PKNOX2: variants seen among roughly 807,000 people sequenced by gnomAD.
PKNOX2 encodes the protein PBX/knotted 1 homeobox 2, also known as homeobox protein PKNOX2.
In PKNOX2, 14 loss-of-function variants were observed where a neutral mutation model predicts 53.1. That is an observed-to-expected ratio of 0.26 (90% CI 0.17 to 0.41). The LOEUF is 0.41. PKNOX2 is among the 10% of genes least tolerant of loss of function. PKNOX2 has a pLI of 1.00. For missense variants in PKNOX2, 496 were observed against 602.8 expected, an observed-to-expected ratio of 0.82 and a Z score of 1.85; for synonymous variants, 257 against 242.8, an observed-to-expected ratio of 1.06 and a Z score of -0.54.
At chr11:125,218,656 G>T (rs921853059) in intron 1 of PKNOX2, among the ~76,000 whole-genome samples, 28 of 152,112 alleles carry the variant, frequency 1.8e-4, no homozygotes, top group Admixed American at 4.6e-4. Context: ...GAGTGGAGCT[G>T]TCAGGTTTAT....
intron 4 of PKNOX2, among the ~76,000 whole-genome samples, chr11:125,356,450 G>A (rs1312454472): frequency 6.6e-6 from 1 of 152,246 alleles, no homozygotes; most frequent in Non-Finnish European, 1.5e-5. Context: ...GGTCCGGTTT[G>A]TGAGGCTCAC....
intron 2 of PKNOX2, among the ~76,000 whole-genome samples, chr11:125,320,663 G>A (rs918090785): frequency 2.0e-5 from 3 of 152,150 alleles, no homozygotes; most frequent in African/African-American, 7.2e-5. Context: ...GAAACTGCTT[G>A]TGTCTAGCTT....
chr11:125,429,239 C>T (rs539168635), intron 11 of PKNOX2, 151 bp downstream of exon 11: 4 of 770,386 alleles, frequency 5.2e-6, no homozygotes, highest in Non-Finnish European at 6.3e-6. Context: ...AGGCTAGAAG[C>T]AGAAAGCAAG....
At chr11:125,189,115 T>C (rs1419721378) in intron 1 of PKNOX2, among the ~76,000 whole-genome samples, 1 of 151,876 alleles carries the variant, frequency 6.6e-6, no homozygotes, top group Non-Finnish European at 1.5e-5. Flanking sequence ...CTCTTTCTTT[T>C]GTTCTCATCT....
chr11:125,258,913 C>T (rs1322364241), intron 2 of PKNOX2: 3 of 361,994 alleles, frequency 8.3e-6, no homozygotes, highest in East Asian at 9.6e-5. Context: ...TCAGCCTCAG[C>T]TCCAACAGTG....
At chr11:125,222,605 CT>C (rs1941264550) in intron 1 of PKNOX2, among the ~76,000 whole-genome samples, 1 of 140,674 alleles carries the variant, frequency 7.1e-6, no homozygotes, top group African/African-American at 2.6e-5. Context: ...GTGTGTGTGT[CT>C]GTGTGTATGT....
At chr11:125,185,242 G>T (rs551249104) in intron 1 of PKNOX2, among the ~76,000 whole-genome samples, 1 of 152,314 alleles carries the variant, frequency 6.6e-6, no homozygotes, top group South Asian at 2.1e-4. Flanking sequence ...CAGTTACTGA[G>T]TTTGAGCTTG....
At chr11:125,323,319 A>T (rs981583303) in intron 2 of PKNOX2, among the ~76,000 whole-genome samples, 2 of 152,188 alleles carry the variant, frequency 1.3e-5, no homozygotes, top group African/African-American at 4.8e-5. Context: ...AAGGCATTTT[A>T]AATAAAATGC....
intron 1 of PKNOX2, among the ~76,000 whole-genome samples, chr11:125,212,183 C>T (rs1939919444): frequency 1.3e-5 from 2 of 152,028 alleles, no homozygotes; most frequent in South Asian, 4.2e-4. Context: ...CCTCATCTTC[C>T]CTTTGAAAGA....
At chr11:125,366,391 C>T (rs1191562628) in intron 4 of PKNOX2, among the ~76,000 whole-genome samples, 1 of 152,202 alleles carries the variant, frequency 6.6e-6, no homozygotes, top group Non-Finnish European at 1.5e-5. Context: ...TTTATAGTCT[C>T]AACCTCATTC....
intron 2 of PKNOX2, among the ~76,000 whole-genome samples, chr11:125,290,339 G>T (rs1034273001): frequency 2.0e-5 from 3 of 152,216 alleles, no homozygotes; most frequent in African/African-American, 7.2e-5. Context: ...TGCTTTTGGG[G>T]AAATGGAGTG....
chr11:125,328,786 C>T (rs977622005), intron 2 of PKNOX2, among the ~76,000 whole-genome samples: 6 of 152,186 alleles, frequency 3.9e-5, no homozygotes, highest in Admixed American at 1.3e-4. Flanking sequence ...TCAGAAGACA[C>T]GCCACTTGCT....
At position 125,431,545 on chromosome 11, in the gene PKNOX2, C is replaced by T. The variant is rs927826635; in HGVS notation, c.*153C>T. 9 of 871,662 alleles carry T rather than the reference C, an allele frequency of 1.0e-5. No homozygotes were observed. The highest frequency in any genetic ancestry group is 1.7e-5 in the African/African-American group (1 of 58,860). The allele number at this position is 871,662 out of a possible 1,614,324, so 54.0% of individuals were successfully genotyped here. On this transcript the variant is annotated 3_prime_UTR_variant, in exon 13 of 13. Coordinates refer to ENST00000298282, the MANE Select transcript of PKNOX2 (RefSeq NM_001382323.2). ...GTAGCTTGAAGAAAGGCAAAGGAGACACCTGTTCCTTCCCAACCACCGAGC... is the reference window on the plus strand; with the variant it reads ...GTAGCTTGAAGAAAGGCAAAGGAGATACCTGTTCCTTCCCAACCACCGAGC...
intron 7 of PKNOX2, among the ~76,000 whole-genome samples, chr11:125,405,218 C>T (rs914867161): frequency 6.6e-6 from 1 of 152,234 alleles, no homozygotes; most frequent in Non-Finnish European, 1.5e-5. Context: ...CCCGTTCATT[C>T]CCCTGTTTCA....
At position 125,351,273 on chromosome 11, in the gene PKNOX2, C is replaced by G; in HGVS notation, c.-22-11C>G. On this transcript the variant is annotated splice_polypyrimidine_tract_variant and intron_variant, in intron 3 of 12. Coordinates refer to ENST00000298282, the MANE Select transcript of PKNOX2 (RefSeq NM_001382323.2). ...GTGTTAACGGTGCGGCCCCCTTTCT[C>G]CTGCCCACAGGTCCTCCATGTGAAT... 7.8e-7 allele frequency: 1 copy of G among 1,284,696 alleles called. No homozygotes were observed. The highest frequency in any genetic ancestry group is 1.8e-4 in the Middle Eastern group (1 of 5,434). The allele number at this position is 1,284,696 out of a possible 1,614,324, so 79.6% of individuals were successfully genotyped here.
chr11:125,242,142 G>A (rs1288027452), intron 2 of PKNOX2, among the ~76,000 whole-genome samples: 1 of 152,160 alleles, frequency 6.6e-6, no homozygotes, highest in Admixed American at 6.5e-5. Context: ...CTATGTGGGG[G>A]CCCTGTGCTT....
chr11:125,351,484 G>C (rs953312183), intron 4 of PKNOX2, 92 bp downstream of exon 4: 11 of 811,690 alleles, frequency 1.4e-5, no homozygotes, highest in Non-Finnish European at 2.0e-5. Flanking sequence ...TCCAGGGGCC[G>C]ACGGGCAGAG....
chr11:125,229,659 C>T (rs1942033080), intron 1 of PKNOX2, among the ~76,000 whole-genome samples: 1 of 152,076 alleles, frequency 6.6e-6, no homozygotes, highest in African/African-American at 2.4e-5. Context: ...AGGCTGGAGA[C>T]AAGGAGAGTT....
chr11:125,241,564 G>C (rs979695013), intron 2 of PKNOX2, among the ~76,000 whole-genome samples: 1 of 152,158 alleles, frequency 6.6e-6, no homozygotes, highest in Admixed American at 6.5e-5. Flanking sequence ...GACTGATTAA[G>C]AGAAAGGAGG....
Sources: gnomAD v4.1 joint callset for allele counts (sites outside exome capture counted in the v4.1 genomes callset) on GRCh38, gnomAD v4.1.1 for gene constraint, MANE v1.5 for transcripts, NCBI Gene and HGNC (gene_info 2026-07-23, HGNC 2026-07-21) for gene names.